MACF1: variants seen among roughly 807,000 people sequenced by gnomAD.
The protein encoded by MACF1 is microtubule-actin cross-linking factor 1.
MACF1 carries 193 observed loss-of-function variants against 854.8 expected under a neutral mutation model. The ratio of observed to expected loss-of-function variants is 0.23; its 90% CI spans 0.20 to 0.25. The LOEUF is 0.25. Among genes scored for constraint, MACF1 ranks in the 10% least tolerant of loss-of-function variants. MACF1 has a pLI of 1.00. For missense variants in MACF1, 7,722 were observed against 8,929.1 expected (o/e 0.86, Z 5.45); for synonymous variants, 3,185 against 3,226.7 (o/e 0.99, Z 0.44).
At chr1:39,147,446 CCT>C (rs1178199977) in intron 2 of MACF1, among the ~76,000 whole-genome samples, 1 of 147,590 alleles carries the variant, frequency 6.8e-6, no homozygotes, top group Non-Finnish European at 1.5e-5. Context: ...TCCTTTCTTT[CCT>C]CTTTCTTTTC....
rs543325752 is a variant in MACF1 at position 39,134,457 on chromosome 1, G to A, written c.220+50019G>A. Among the ~76,000 whole-genome samples, 32 of 152,144 alleles carry A rather than the reference G, an allele frequency of 2.1e-4. 1 individual carries two copies. Among genetic ancestry groups the A allele is most frequent in the African/African-American group, 7.7e-4 (32 of 41,500 alleles). On this transcript the variant is annotated intron_variant, in intron 2 of 93. Coordinates refer to the MACF1 transcript ENST00000361689. ...TGACCATGTGCCTTCTTGCTCCAGG[G>A]GTTTTCAGTTTTCTTTTATTTTGTT... is the stretch of plus-strand genomic sequence containing the variant.
chr1:39,392,054 G>C (rs1307287423), intron 58 of MACF1, among the ~76,000 whole-genome samples: 1 of 152,182 alleles, frequency 6.6e-6, no homozygotes, highest in Non-Finnish European at 1.5e-5. Context: ...AAAATGATCA[G>C]TATCCACCCT....
intron 20 of MACF1, among the ~76,000 whole-genome samples, chr1:39,296,452 G>A (rs1173173989): frequency 2.0e-5 from 3 of 151,646 alleles, no homozygotes; most frequent in South Asian, 2.1e-4. Flanking sequence ...ACTGCTGGCC[G>A]GGCACCATGG....
chr1:39,151,855 A>G (rs1462330031), intron 2 of MACF1, among the ~76,000 whole-genome samples: 3 of 152,240 alleles, frequency 2.0e-5, no homozygotes, highest in Non-Finnish European at 2.9e-5. Context: ...AATTTGGCAC[A>G]GGGTAGTGAA....
intron 2 of MACF1, among the ~76,000 whole-genome samples, chr1:39,092,053 G>A (rs552157789): frequency 6.6e-5 from 10 of 152,146 alleles, no homozygotes; most frequent in Admixed American, 1.3e-4. Flanking sequence ...GTTCTGGAAG[G>A]GAAGGCACTT....
At position 39,459,145 on chromosome 1, in the gene MACF1, A is replaced by C. The variant is rs778323892; in HGVS notation, c.21256A>C (p.Lys7086Gln). 1 of 1,614,190 alleles carries C rather than the reference A, an allele frequency of 6.2e-7. No homozygotes were observed. The highest frequency in any genetic ancestry group is 8.5e-7 in the Non-Finnish European group (1 of 1,180,034). ...PMPILSQSEAKNPRINQLSAR... is the reference protein window; with the variant it reads ...PMPILSQSEAQNPRINQLSAR... The stretch of plus-strand genomic sequence containing the variant: ...GCCAATCCTTTCACAGTCTGAAGCA[A>C]AAAACCCACGGATCAACCAGCTTTC... Residue 7086 changes from lysine to glutamine, a missense_variant, in exon 91 of 101, where the codon AAA (lysine) becomes CAA (glutamine). This residue lies in a region of MACF1 where 729 missense variants were observed against 900.5 expected (regional missense o/e 0.81). Transcript: ENST00000564288.
chr1:39,430,524 G>A (rs186105269), intron 65 of MACF1, among the ~76,000 whole-genome samples, 178 bp from the exon 66 acceptor site: 1 of 152,208 alleles, frequency 6.6e-6, no homozygotes. Flanking sequence ...AAGCAACAAT[G>A]AAGTCTAAAG....
In MACF1 at chr1:39,424,048, T is replaced by C. The variant is rs533288608; in HGVS notation, c.16170T>C (p.Asp5390=). 6.2e-7 allele frequency: 1 copy of C among 1,610,478 alleles called. No individual in the cohort carries two copies. The highest frequency in any genetic ancestry group is 1.4e-5 in the African/African-American group (1 of 73,734). The change falls in exon 61 of 101, where the codon GAT becomes GAC. Residue 5390 remains aspartate (D), a synonymous_variant. Transcript: ENST00000564288. ...QEQKLLQRLL[D]DRKATVDMLQ... ...AATAGTTGCTCCAGCGGCTCCTAGA[T>C]GATCGAAAGGCCACAGTAGACATGC...
At chr1:39,469,453 G>A (rs1223411363) in intron 96 of MACF1, 94 bp from the exon 97 acceptor site, 15 of 864,034 alleles carry the variant, frequency 1.7e-5, no homozygotes, top group Non-Finnish European at 1.7e-5. Flanking sequence ...GTGCACAGGA[G>A]GCTCCCCCAC....
intron 1 of MACF1, among the ~76,000 whole-genome samples, chr1:39,229,141 A>G (rs1043819733): frequency 3.9e-5 from 6 of 152,236 alleles, no homozygotes; most frequent in African/African-American, 7.2e-5. Context: ...GAGACCTTTC[A>G]ATGTGAACTT....
In MACF1 at chr1:39,485,805, G is replaced by A. The variant is rs201526091; in HGVS notation, c.*11G>A. On this transcript the variant is annotated 3_prime_UTR_variant, in exon 101 of 101. Transcript: ENST00000564288. ...GGTCCCAAGCGATAACACTGTCTAA[G>A]CACCCCCAAGCCACTATCCACTTTG... 413 of 1,566,334 alleles carry A rather than the reference G, an allele frequency of 2.6e-4. 3 individuals carry two copies. The Middle Eastern group carries it at 7.2e-3, about 27-fold the overall frequency.
At chr1:39,193,208 A>G (rs1279420823) in intron 2 of MACF1, among the ~76,000 whole-genome samples, 13 of 151,960 alleles carry the variant, frequency 8.6e-5, no homozygotes, top group Admixed American at 7.9e-4. Context: ...TTTTCTTCGT[A>G]TCATTTTTTT....
rs1204296921 is a variant in MACF1, at chr1:39,336,100, A to C, written c.9512A>C (p.Lys3171Thr). Residue 3171 changes from lysine (K) to threonine (T), a missense_variant, in exon 37 of 101, where the codon AAG becomes ACG. Physicochemically the swap from Lys to Thr is moderately conservative, Grantham distance 78. Coordinates refer to ENST00000564288, the MANE Select transcript of MACF1 (RefSeq NM_001394062.1). ...TCCTCATCTAATGAATGTAAAGAAAAGTCATACCAAGAAGTATCTTTTGAC... is the reference window on the plus strand; with the variant it reads ...TCCTCATCTAATGAATGTAAAGAAACGTCATACCAAGAAGTATCTTTTGAC... ...QISSSNECKE[K>T]SYQEVSFDPA... is the part of the protein sequence containing the mutation. The C allele has an allele frequency of 6.2e-7, 1 of 1,613,886 alleles. No homozygotes were observed. The highest frequency in any genetic ancestry group is 1.3e-5 in the African/African-American group (1 of 74,856).
chr1:39,335,262 T>G lies in MACF1; in HGVS notation c.8674T>G (p.Phe2892Val). ...SLTHPYSECD[F>V]KLKEVARNNM... ...GACACACCCTTACTCTGAATGTGATTTTAAACTTAAAGAAGTGGCTAGAAA... is the reference window on the plus strand; with the variant it reads ...GACACACCCTTACTCTGAATGTGATGTTAAACTTAAAGAAGTGGCTAGAAA... The change falls in exon 37 of 101, where the codon TTT (phenylalanine) becomes GTT (valine). Residue 2892 changes from phenylalanine (F) to valine (V), a missense_variant. Coordinates refer to ENST00000564288, the MANE Select transcript of MACF1 (RefSeq NM_001394062.1). 1 of 1,614,072 alleles carries G rather than the reference T, an allele frequency of 6.2e-7. No individual in the cohort carries two copies. The highest frequency in any genetic ancestry group is 8.5e-7 in the Non-Finnish European group (1 of 1,179,960).
intron 2 of MACF1, among the ~76,000 whole-genome samples, chr1:39,133,103 G>T (rs1439089257): frequency 6.6e-6 from 1 of 152,192 alleles, no homozygotes; most frequent in African/African-American, 2.4e-5. Flanking sequence ...AACCTGGCTG[G>T]ATGCCCCTTG....
At chr1:39,426,950 A>G (rs1417131349) in intron 61 of MACF1, among the ~76,000 whole-genome samples, 1 of 152,118 alleles carries the variant, frequency 6.6e-6, no homozygotes, top group Non-Finnish European at 1.5e-5. Context: ...TTCATAGGCA[A>G]TATACAGTCT....
chr1:39,428,346 A>G (rs1643790348), intron 63 of MACF1, 59 bp downstream of exon 63: 1 of 1,428,354 alleles, frequency 7.0e-7, no homozygotes, highest in Non-Finnish European at 9.4e-7. Context: ...ATTTTGATTC[A>G]TGTTTCTCTT....
At chr1:39,270,988 T>A (rs775123360) in intron 6 of MACF1, among the ~76,000 whole-genome samples, 1 of 152,092 alleles carries the variant, frequency 6.6e-6, no homozygotes, top group African/African-American at 2.4e-5. Context: ...ATTGAAAAAA[T>A]ATCTATTTTA....
chr1:39,233,096 A>G (rs1257197874), intron 2 of MACF1, among the ~76,000 whole-genome samples: 1 of 151,918 alleles, frequency 6.6e-6, no homozygotes, highest in Non-Finnish European at 1.5e-5. Context: ...GTGCAGTGGC[A>G]CGATCTCGGC....
Sources: allele counts gnomAD v4.1 joint callset (sites outside exome capture counted in the v4.1 genomes callset), GRCh38; gene constraint gnomAD v4.1.1; regional missense constraint gnomAD v4.1.1; transcripts MANE v1.5; gene names NCBI Gene and HGNC (gene_info 2026-07-23, HGNC 2026-07-21).